Variants in MCPH1 observed in about 807,000 individuals in gnomAD.
The protein encoded by MCPH1 is microcephalin.
In MCPH1, 104 loss-of-function variants were observed where a neutral mutation model predicts 84.5. The observed-to-expected ratio is 1.23, with a 90% confidence interval of 1.05 to 1.45. The LOEUF (loss-of-function observed/expected upper bound fraction) is 1.45. Among genes scored for constraint, MCPH1 ranks in the 40% most tolerant of loss-of-function variants. The pLI is 0.00. For missense variants in MCPH1, 1,498 were observed against 1,005.7 expected (o/e 1.49, Z -6.62); for synonymous variants, 514 against 366.8 (o/e 1.40, Z -4.58).
intron 12 of MCPH1, among the ~76,000 whole-genome samples, chr8:6,580,576 G>A (rs544619126): frequency 2.6e-5 from 4 of 152,234 alleles, no homozygotes; most frequent in Non-Finnish European, 5.9e-5. Flanking sequence ...TGCTTAAACC[G>A]GGAGGCAGAC....
At chr8:6,421,208 C>T (rs911742951) in intron 3 of MCPH1, among the ~76,000 whole-genome samples, 6 of 152,160 alleles carry the variant, frequency 3.9e-5, no homozygotes, top group South Asian at 2.1e-4. Context: ...TCCCTGGCGT[C>T]TGCATTCAGT....
chr8:6,611,952 G>A (rs1281743521), intron 12 of MCPH1, among the ~76,000 whole-genome samples: 1 of 152,134 alleles, frequency 6.6e-6, no homozygotes, highest in East Asian at 1.9e-4. Context: ...TCATTACATA[G>A]GCAGGACTGA....
chr8:6,472,108 G>A (rs2515586), intron 9 of MCPH1, among the ~76,000 whole-genome samples: 144,619 of 152,282 alleles, frequency 0.95, 68,921 homozygotes, highest in East Asian at 1. Context: ...AGTGGATGTT[G>A]CATCTAATTT....
chr8:6,576,745 A>C (rs1586688494), intron 12 of MCPH1, among the ~76,000 whole-genome samples: 3 of 101,442 alleles, frequency 3.0e-5, no homozygotes, highest in African/African-American at 7.4e-5. Flanking sequence ...ATGGGTTTTC[A>C]CCATATTGGT....
intron 11 of MCPH1, among the ~76,000 whole-genome samples, chr8:6,484,462 G>A (rs1809612313): frequency 6.6e-6 from 1 of 152,250 alleles, no homozygotes; most frequent in South Asian, 2.1e-4. Flanking sequence ...GCCGCTTTGA[G>A]AAACAGTTTG....
At chr8:6,417,444 T>G (rs1799478831) in intron 3 of MCPH1, among the ~76,000 whole-genome samples, 1 of 152,224 alleles carries the variant, frequency 6.6e-6, no homozygotes, top group Admixed American at 6.5e-5. Context: ...AGTTTCCCAA[T>G]CCTTTCTGTG....
chr8:6,424,845 G>T (rs1800821626), intron 3 of MCPH1, among the ~76,000 whole-genome samples: 1 of 152,220 alleles, frequency 6.6e-6, no homozygotes. Context: ...TCTTCCTTGT[G>T]TGTCAGGGAC....
intron 13 of MCPH1, chr8:6,626,709 G>C: frequency 1.0e-6 from 1 of 985,246 alleles, no homozygotes; most frequent in Non-Finnish European, 1.2e-6. Context: ...GAAGACCCTG[G>C]GGTCTGAAGG....
intron 12 of MCPH1, among the ~76,000 whole-genome samples, chr8:6,611,300 G>GC (rs901443052): frequency 6.6e-6 from 1 of 152,126 alleles, no homozygotes; most frequent in Non-Finnish European, 1.5e-5. Context: ...CCGCAAGCCT[G>GC]CCCCCCTACC....
chr8:6,569,497 A>G (rs1826486267), intron 12 of MCPH1, among the ~76,000 whole-genome samples: 1 of 152,250 alleles, frequency 6.6e-6, no homozygotes, highest in Non-Finnish European at 1.5e-5. Flanking sequence ...ATGGGATTTC[A>G]AAAAAGTACC....
intron 12 of MCPH1, chr8:6,562,827 G>T (rs1825763038): frequency 1.2e-6 from 2 of 1,613,426 alleles, no homozygotes; most frequent in African/African-American, 2.7e-5. Flanking sequence ...ACCCATGCTG[G>T]ACCTGATATT....
rs1450263940 is a variant in MCPH1, at chr8:6,515,130, T to A, written c.2214+15201T>A. Among the ~76,000 whole-genome samples the A allele has an allele frequency of 3.3e-5, 5 of 152,136 alleles. No individual in the cohort carries two copies. In the East Asian group the frequency reaches 5.8e-4, roughly 18 times the overall value. On this transcript the variant is annotated intron_variant, in intron 12 of 13. Coordinates refer to ENST00000344683, the MANE Select transcript of MCPH1 (RefSeq NM_024596.5). ...TTATGAATGGCACATTTTGGCAGAT[T>A]GGCCCCGAACCCCACATCTCCATCC...
intron 10 of MCPH1, 102 bp downstream of exon 10, chr8:6,477,733 A>G (rs867529642): frequency 4.5e-6 from 4 of 882,924 alleles, no homozygotes; most frequent in South Asian, 2.8e-5. Context: ...TCTGTCCTGT[A>G]TCACTTTTAC....
chr8:6,521,804 C>G lies in MCPH1; in HGVS notation c.2214+21875C>G, dbSNP rs188922817. The stretch of plus-strand genomic sequence containing the variant: ...GGGAGAGTTTCAACTGGGCTGGACC[C>G]TTGGGTAGGATATTAGCTTTCTCCT... On this transcript the variant is annotated intron_variant, in intron 12 of 13. Transcript: ENST00000344683. Among the ~76,000 whole-genome samples the G allele has an allele frequency of 1.5e-3, 222 of 152,178 alleles. 2 individuals are homozygous for G. Among genetic ancestry groups the G allele is most frequent in the East Asian group, 1.5e-3 (8 of 5,180 alleles).
chr8:6,586,504 CTT>C (rs1362746279), intron 12 of MCPH1, among the ~76,000 whole-genome samples: 1 of 152,176 alleles, frequency 6.6e-6, no homozygotes, highest in African/African-American at 2.4e-5. Flanking sequence ...CAGTGCGTGT[CTT>C]TATGTGGAGG....
At chr8:6,600,306 C>G (rs1453556558) in intron 12 of MCPH1, among the ~76,000 whole-genome samples, 2 of 152,236 alleles carry the variant, frequency 1.3e-5, no homozygotes, top group Admixed American at 6.5e-5. Context: ...GGGTCCCCAG[C>G]AGGGATGCCA....
intron 12 of MCPH1, among the ~76,000 whole-genome samples, chr8:6,591,942 C>A (rs2129577693): frequency 6.6e-6 from 1 of 152,174 alleles, no homozygotes; most frequent in East Asian, 1.9e-4. Context: ...GAATACAATG[C>A]TGGGGGAAAC....
intron 12 of MCPH1, among the ~76,000 whole-genome samples, chr8:6,603,785 A>T (rs192142656): frequency 6.6e-6 from 1 of 152,222 alleles, no homozygotes; most frequent in Non-Finnish European, 1.5e-5. Context: ...TGCCACTTGC[A>T]TTCTCTGAAC....
chr8:6,605,476 T>C (rs1298314279), intron 12 of MCPH1, among the ~76,000 whole-genome samples: 2 of 152,134 alleles, frequency 1.3e-5, no homozygotes, highest in Non-Finnish European at 2.9e-5. Context: ...AGCAAATAAA[T>C]CATGGAAACG....
Sources: allele counts gnomAD v4.1 joint callset (sites outside exome capture counted in the v4.1 genomes callset), GRCh38; gene constraint gnomAD v4.1.1; transcripts MANE v1.5; gene names NCBI Gene and HGNC (gene_info 2026-07-23, HGNC 2026-07-21).